BCR: variants seen among roughly 807,000 people sequenced by gnomAD.
The protein encoded by BCR is breakpoint cluster region protein.
In BCR, 58 loss-of-function variants were observed where a neutral mutation model predicts 138.6. That is an observed-to-expected ratio of 0.42 (90% CI 0.34 to 0.52). BCR has a LOEUF of 0.52. BCR is among the 20% of genes least tolerant of loss of function. The pLI is 0.06. For missense variants in BCR, 1,599 were observed against 1,727.2 expected, an observed-to-expected ratio of 0.93 and a Z score of 1.32; for synonymous variants, 786 against 730.1, an observed-to-expected ratio of 1.08 and a Z score of -1.23.
chr22:23,262,730 G>C lies in BCR; in HGVS notation c.1752+1190G>C, dbSNP rs902749758. ...GAGGGCGGGCCCGGGTGAGGGCGGG[G>C]GCGGAGAGGCGAAGAAGCTGCAGGA... On this transcript the variant is annotated intron_variant, in intron 4 of 22. Coordinates refer to ENST00000305877, the MANE Select transcript of BCR (RefSeq NM_004327.4). 18 of 788,274 alleles carry C rather than the reference G, an allele frequency of 2.3e-5. No individual in the cohort carries two copies. The African/African-American group carries it at 3.2e-4, about 14-fold the overall frequency. 48.8% of individuals were successfully genotyped at this position (788,274 alleles called of 1,614,324 possible).
chr22:23,201,581 CT>C (rs1184464866), intron 1 of BCR, among the ~76,000 whole-genome samples: 2 of 152,184 alleles, frequency 1.3e-5, no homozygotes, highest in Non-Finnish European at 2.9e-5. Flanking sequence ...CCTCCGCCTC[CT>C]GAGTAGCTGG....
intron 1 of BCR, among the ~76,000 whole-genome samples, chr22:23,202,724 T>TGTGTGTGTGTGTGTGC (rs2072569012): frequency 7.0e-6 from 1 of 142,976 alleles, no homozygotes; most frequent in African/African-American, 2.9e-5. Flanking sequence ...CAATTGTTTG[T>TGTGTGTGTGTGTGTGC]GTGTGTGTGT....
At chr22:23,239,765 A>C (rs1256292278) in intron 1 of BCR, among the ~76,000 whole-genome samples, 1 of 152,206 alleles carries the variant, frequency 6.6e-6, no homozygotes, top group South Asian at 2.1e-4. Context: ...TTTCAAGTTC[A>C]CATGACATTC....
chr22:23,205,186 G>T (rs1433917077), intron 1 of BCR, among the ~76,000 whole-genome samples: 1 of 152,182 alleles, frequency 6.6e-6, no homozygotes, highest in Non-Finnish European at 1.5e-5. Flanking sequence ...TGGAGTAGGG[G>T]CTGTCTTGGT....
chr22:23,279,000 G>A (rs55954687), intron 8 of BCR, among the ~76,000 whole-genome samples: 3 of 152,200 alleles, frequency 2.0e-5, no homozygotes, highest in Admixed American at 2.0e-4. Flanking sequence ...TTCCAGGAGC[G>A]TGGGCACGTT....
rs1410397359 is a variant in BCR at position 23,316,515 on chromosome 22, TTTG to T, written c.*995_*997del. 1 of 180,028 alleles carries T rather than the reference TTTG, an allele frequency of 5.6e-6. No individual in the cohort carries two copies. Among genetic ancestry groups the T allele is most frequent in the Non-Finnish European group, 1.2e-5 (1 of 85,124 alleles). The allele number at this position is 180,028 out of a possible 1,614,324, so 11.2% of individuals were successfully genotyped here. A position where few individuals can be genotyped will look rare whatever the true frequency, so the allele number is the denominator to read the frequency against. On this transcript the variant is annotated 3_prime_UTR_variant, in exon 23 of 23. Coordinates refer to ENST00000305877, the MANE Select transcript of BCR (RefSeq NM_004327.4). ...TAAATAACCTTTTGATACTTGAATATTTGTAAGTTTTATACATAGTTTCTAATT... is the reference window on the plus strand; with the variant it reads ...TAAATAACCTTTTGATACTTGAATATTAAGTTTTATACATAGTTTCTAATT...
intron 6 of BCR, among the ~76,000 whole-genome samples, chr22:23,271,914 T>C (rs150182636): frequency 0.055 from 8,400 of 151,832 alleles, 791 homozygotes; most frequent in African/African-American, 0.19. Flanking sequence ...CAACCTCCAC[T>C]TCCCGGGTTC....
At chr22:23,258,807 C>A (rs771591764) in intron 2 of BCR, among the ~76,000 whole-genome samples, 2 of 152,228 alleles carry the variant, frequency 1.3e-5, no homozygotes, top group Non-Finnish European at 2.9e-5. Context: ...GAAGCCTGCC[C>A]GCAGCCAGTG....
At chr22:23,194,802 A>G (rs143875781) in intron 1 of BCR, among the ~76,000 whole-genome samples, 2,613 of 152,088 alleles carry the variant, frequency 0.017, 71 homozygotes, top group African/African-American at 0.059. Context: ...TGAGCTGGGC[A>G]TGGTGGCATG....
At chr22:23,235,913 C>A (rs1160934848) in intron 1 of BCR, among the ~76,000 whole-genome samples, 5 of 152,160 alleles carry the variant, frequency 3.3e-5, no homozygotes, top group Non-Finnish European at 7.3e-5. Flanking sequence ...ACCTAATCAC[C>A]CCCAAAGGCC....
chr22:23,236,106 C>T (rs1285524702), intron 1 of BCR, among the ~76,000 whole-genome samples: 2 of 152,206 alleles, frequency 1.3e-5, no homozygotes, highest in Non-Finnish European at 2.9e-5. Context: ...TGGCTGGAGG[C>T]CTGGCTTGTT....
At chr22:23,273,224 T>C (rs888421437) in intron 7 of BCR, 91 bp downstream of exon 7, 1 of 1,405,702 alleles carries the variant, frequency 7.1e-7, no homozygotes, top group Non-Finnish European at 9.8e-7. Flanking sequence ...TTAGTTGTCA[T>C]AGCTGCAGCC....
chr22:23,269,331 G>A (rs1274974595), intron 5 of BCR, among the ~76,000 whole-genome samples: 1 of 152,202 alleles, frequency 6.6e-6, no homozygotes, highest in Non-Finnish European at 1.5e-5. Flanking sequence ...CCCCCATCTC[G>A]CTGTAGCTTT....
intron 1 of BCR, among the ~76,000 whole-genome samples, chr22:23,232,720 CT>C (rs2072972942): frequency 6.6e-6 from 1 of 152,240 alleles, no homozygotes; most frequent in Non-Finnish European, 1.5e-5. Context: ...CATCTGCCTC[CT>C]CCTTCAGGTG....
At chr22:23,280,574 A>G (rs947465492) in intron 8 of BCR, among the ~76,000 whole-genome samples, 7 of 152,138 alleles carry the variant, frequency 4.6e-5, no homozygotes, top group African/African-American at 1.4e-4. Context: ...ATACCACCAG[A>G]CTGGTCTTTC....
intron 1 of BCR, among the ~76,000 whole-genome samples, chr22:23,238,612 C>T (rs1219932608): frequency 2.0e-5 from 3 of 152,058 alleles, no homozygotes; most frequent in Non-Finnish European, 2.9e-5. Context: ...CCTGGGGATT[C>T]GAGGCAGCAC....
intron 1 of BCR, among the ~76,000 whole-genome samples, chr22:23,246,751 C>A (rs546732270): frequency 6.6e-6 from 1 of 152,122 alleles, no homozygotes; most frequent in African/African-American, 2.4e-5. Flanking sequence ...GGAAGTACCC[C>A]GTAAAGGGTG....
intron 4 of BCR, chr22:23,263,137 T>TGGC: frequency 1.4e-6 from 1 of 715,170 alleles, no homozygotes; most frequent in Middle Eastern, 3.8e-4. Flanking sequence ...GGGGCGGCCA[T>TGGC]GGCGGCGGCA....
intron 4 of BCR, chr22:23,264,234 C>G: frequency 9.8e-7 from 1 of 1,018,818 alleles, no homozygotes; most frequent in Non-Finnish European, 1.6e-6. Context: ...AAGGGCCTGC[C>G]CGCACACCTT....
Sources: allele counts gnomAD v4.1 joint callset (sites outside exome capture counted in the v4.1 genomes callset), GRCh38; gene constraint gnomAD v4.1.1; transcripts MANE v1.5; gene names NCBI Gene and HGNC (gene_info 2026-07-23, HGNC 2026-07-21).